Variants in CHM observed in about 807,000 individuals in gnomAD.
The protein encoded by CHM is rab proteins geranylgeranyltransferase component A 1.
Under a neutral mutation model 49.0 loss-of-function variants are expected in CHM, and 10 were observed. That is an observed-to-expected ratio of 0.20 (90% CI 0.13 to 0.35). The LOEUF is 0.35. Ranked by LOEUF, CHM falls within the 10% of genes least tolerant of loss-of-function variation. The probability of loss-of-function intolerance (pLI) is 1.00; values close to 1 mark genes in which losing one functional copy is unlikely to be tolerated. For missense variants in CHM, 455 were observed against 478.4 expected, an observed-to-expected ratio of 0.95 and a Z score of 0.46; for synonymous variants, 184 against 167.5, an observed-to-expected ratio of 1.10 and a Z score of -0.76.
intron 8 of CHM, among the ~76,000 whole-genome samples, chrX:85,948,493 AT>A (rs1463318791): frequency 8.9e-6 from 1 of 112,202 alleles, no homozygotes; most frequent in Non-Finnish European, 1.9e-5. Context: ...CCAAAAAAAA[AT>A]CTACCTATTT....
At chrX:86,047,172 C>A in intron 1 of CHM, 4 of 359,099 alleles carry the variant, frequency 1.1e-5, no homozygotes, top group East Asian at 4.9e-5. Flanking sequence ...TGATAAAATC[C>A]CGACCCTCCA....
chrX:85,971,156 T>G (rs1180783600), intron 4 of CHM: 1 of 749,205 alleles, frequency 1.3e-6, no homozygotes. Flanking sequence ...CCAAATACTT[T>G]GACGTATTTT....
intron 2 of CHM, among the ~76,000 whole-genome samples, chrX:86,013,657 C>T (rs1352145196): frequency 1.9e-5 from 2 of 107,499 alleles, no homozygotes; most frequent in African/African-American, 6.7e-5. Context: ...ACTGCCTGAA[C>T]CCGGGAGGCA....
At chrX:85,942,351 G>C (rs28384344) in intron 8 of CHM, among the ~76,000 whole-genome samples, 23,701 of 103,060 alleles carry the variant, frequency 0.23, 2,202 homozygotes, top group Non-Finnish European at 0.25. Context: ...CTTTTATAAG[G>C]TCTTAAGGAA....
intron 2 of CHM, among the ~76,000 whole-genome samples, chrX:86,011,627 T>C (rs1933077447): frequency 8.9e-6 from 1 of 111,953 alleles, no homozygotes; most frequent in Admixed American, 9.5e-5. Flanking sequence ...GATGCTCAAG[T>C]CCTAATACCC....
chrX:85,919,802 T>C (rs1254421632), intron 8 of CHM, among the ~76,000 whole-genome samples: 2 of 111,515 alleles, frequency 1.8e-5, no homozygotes, highest in African/African-American at 6.5e-5. Flanking sequence ...TTCTCATTTG[T>C]TTTTCCCCCA....
At chrX:86,027,434 T>G (rs1032051921) in intron 2 of CHM, 57 bp downstream of exon 2, 2 of 973,943 alleles carry the variant, frequency 2.1e-6, no homozygotes, top group Non-Finnish European at 2.9e-6. Flanking sequence ...TTATGTAAAT[T>G]TTAATCCTGT....
intron 2 of CHM, among the ~76,000 whole-genome samples, chrX:85,983,671 T>C (rs1344324358): frequency 3.6e-5 from 4 of 111,802 alleles, no homozygotes; most frequent in South Asian, 3.7e-4. Context: ...CACTGGCTAA[T>C]GGGTGAAAGC....
At chrX:85,996,222 T>C (rs1211767402) in intron 2 of CHM, among the ~76,000 whole-genome samples, 1 of 112,202 alleles carries the variant, frequency 8.9e-6, no homozygotes, top group African/African-American at 3.2e-5. Context: ...GAATCAATAT[T>C]GTTTTCTTAA....
chrX:86,042,323 C>G (rs1934496108), intron 1 of CHM, among the ~76,000 whole-genome samples: 1 of 111,231 alleles, frequency 9.0e-6, no homozygotes. Flanking sequence ...TAAAGGAATG[C>G]CTGAAACTGG....
intron 2 of CHM, among the ~76,000 whole-genome samples, chrX:85,987,240 T>G: frequency 8.9e-6 from 1 of 112,202 alleles, no homozygotes; most frequent in Admixed American, 9.4e-5. Context: ...AAAACATATT[T>G]CAGGATATCT....
chrX:85,960,784 C>A (rs1382232577), intron 5 of CHM, among the ~76,000 whole-genome samples: 1 of 111,039 alleles, frequency 9.0e-6, no homozygotes, highest in African/African-American at 3.3e-5. Context: ...GGCTAAAGAG[C>A]AGTGCAATTT....
At position 85,866,211 on chromosome X, in the gene CHM, G is replaced by GC. The variant is rs754451965; in HGVS notation, c.1771-1391dup. Among the ~76,000 whole-genome samples the GC allele has an allele frequency of 2.7e-5, 3 of 112,310 alleles. No individual in the cohort carries two copies. In the South Asian group the frequency reaches 1.1e-3, roughly 41 times the overall value. On this transcript the variant is annotated intron_variant, in intron 14 of 14. Coordinates refer to ENST00000357749, the MANE Select transcript of CHM (RefSeq NM_000390.4). ...TGGGTGGGCCCCACTGCTCTGTGCA[G>GC]CCCTGGAACATGGTACCCTACATCC...
At chrX:86,026,736 C>A (rs762971006) in intron 2 of CHM, among the ~76,000 whole-genome samples, 21 of 111,827 alleles carry the variant, frequency 1.9e-4, no homozygotes, top group Non-Finnish European at 3.0e-4. Flanking sequence ...TAAGCTATGA[C>A]AAATCTAATT....
At chrX:85,906,273 T>G (rs746668759) in intron 9 of CHM, among the ~76,000 whole-genome samples, 2 of 112,054 alleles carry the variant, frequency 1.8e-5, no homozygotes, top group Non-Finnish European at 1.9e-5. Context: ...TTTAATCTTG[T>G]TACCTCTGAT....
chrX:85,985,235 C>T (rs1022267192), intron 2 of CHM, among the ~76,000 whole-genome samples: 4 of 112,345 alleles, frequency 3.6e-5, no homozygotes, highest in Non-Finnish European at 7.5e-5. Flanking sequence ...TTTGGAGACT[C>T]CAAGCCATCG....
chrX:85,985,180 G>A (rs1272708432), intron 2 of CHM, among the ~76,000 whole-genome samples: 1 of 112,379 alleles, frequency 8.9e-6, no homozygotes, highest in Non-Finnish European at 1.9e-5. Flanking sequence ...GAGGTGGGCT[G>A]CCATTTTTGC....
rs777149164 is a variant in CHM at position 86,010,556 on chromosome X, C to A, written c.116+16935G>T. Among the ~76,000 whole-genome samples the A allele has an allele frequency of 5.5e-5, 6 of 109,918 alleles. No individual in the cohort carries two copies. In the East Asian group the frequency reaches 1.7e-3, roughly 31 times the overall value. ...CTTTTCTGTAAGTCTAAACTTAGAC[C>A]AATAAAAACTTTAATGTTTTCAATT... is the stretch of plus-strand genomic sequence containing the variant. On this transcript the variant is annotated intron_variant, in intron 2 of 14. Coordinates refer to ENST00000357749, the MANE Select transcript of CHM (RefSeq NM_000390.4).
chrX:85,897,321 G>A (rs1310391996), intron 11 of CHM, among the ~76,000 whole-genome samples: 1 of 102,058 alleles, frequency 9.8e-6, no homozygotes, highest in Non-Finnish European at 2.0e-5. Context: ...GTGTGTGTGT[G>A]TGTGTGTGTG....
Sources: allele counts gnomAD v4.1 joint callset (sites outside exome capture counted in the v4.1 genomes callset), GRCh38; gene constraint gnomAD v4.1.1; transcripts MANE v1.5; gene names NCBI Gene and HGNC (gene_info 2026-07-23, HGNC 2026-07-21).